The following ST6GALNAC3 variants were observed in gnomAD, a reference collection of about 807,000 sequenced individuals.
ST6GALNAC3 encodes ST6 N-acetylgalactosaminide alpha-2,6-sialyltransferase 3, also known as alpha-N-acetylgalactosaminide alpha-2,6-sialyltransferase 3.
In ST6GALNAC3, 25 loss-of-function variants were observed where a neutral mutation model predicts 32.7. The observed-to-expected ratio is 0.76, with a 90% confidence interval of 0.56 to 1.07. The LOEUF is 1.07. Ranked by LOEUF, ST6GALNAC3 falls within the 50% of genes least tolerant of loss-of-function variation. ST6GALNAC3 has a pLI of 0.00. For missense variants in ST6GALNAC3, 355 were observed against 382.4 expected, an observed-to-expected ratio of 0.93 and a Z score of 0.60; for synonymous variants, 129 against 133.1, an observed-to-expected ratio of 0.97 and a Z score of 0.21.
At chr1:76,242,354 C>A (rs1173658854) in intron 1 of ST6GALNAC3, among the ~76,000 whole-genome samples, 1 of 151,996 alleles carries the variant, frequency 6.6e-6, no homozygotes, top group African/African-American at 2.4e-5. Flanking sequence ...AAGATCTTAG[C>A]GGTCACTGCA....
chr1:76,530,700 CTTAA>C (rs1183851218), intron 3 of ST6GALNAC3, among the ~76,000 whole-genome samples: 10 of 152,114 alleles, frequency 6.6e-5, no homozygotes, highest in Admixed American at 5.9e-4. Context: ...TCTCTTGAAA[CTTAA>C]AGGATCCTTA....
intron 2 of ST6GALNAC3, among the ~76,000 whole-genome samples, chr1:76,345,820 A>G (rs1012895218): frequency 3.3e-5 from 5 of 151,812 alleles, no homozygotes; most frequent in Admixed American, 2.6e-4. Context: ...TGCTCCCTCC[A>G]TTCCACACAC....
At chr1:76,314,427 G>A (rs1285593412) in intron 2 of ST6GALNAC3, among the ~76,000 whole-genome samples, 3 of 152,078 alleles carry the variant, frequency 2.0e-5, no homozygotes, top group Non-Finnish European at 4.4e-5. Context: ...CTTAGACCTG[G>A]AGCTAGAAAA....
At chr1:76,493,616 A>G (rs1190878051) in intron 3 of ST6GALNAC3, among the ~76,000 whole-genome samples, 1 of 152,110 alleles carries the variant, frequency 6.6e-6, no homozygotes, top group Admixed American at 6.6e-5. Flanking sequence ...TCTCTGTTTT[A>G]AATGGGATAA....
intron 1 of ST6GALNAC3, among the ~76,000 whole-genome samples, chr1:76,251,487 A>G (rs530093520): frequency 7.8e-4 from 118 of 152,212 alleles, no homozygotes; most frequent in Non-Finnish European, 1.5e-3. Flanking sequence ...GCCTTGTCTC[A>G]CATAGCACTA....
intron 1 of ST6GALNAC3, among the ~76,000 whole-genome samples, chr1:76,300,399 T>C (rs1660659013): frequency 6.6e-6 from 1 of 151,898 alleles, no homozygotes; most frequent in Admixed American, 6.6e-5. Flanking sequence ...CTCTAGACAA[T>C]CAAGGTCCCT....
At position 76,138,974 on chromosome 1, in the gene ST6GALNAC3, T is replaced by C. The variant is rs369692736; in HGVS notation, c.18+64090T>C. 5.9e-5 allele frequency among the ~76,000 whole-genome samples: 9 copies of C among 152,074 alleles called. No homozygotes were observed. In the East Asian group the frequency reaches 1.6e-3, roughly 26 times the overall value. On this transcript the variant is annotated intron_variant, in intron 1 of 4. Transcript: ENST00000328299. ...CTTTGGGAGGCCGAGGCGGGCGGAT[T>C]ACGAGGTCAGGAGATCGAGACCATC... is the stretch of plus-strand genomic sequence containing the variant.
intron 3 of ST6GALNAC3, among the ~76,000 whole-genome samples, chr1:76,460,075 G>T (rs1450090680): frequency 6.6e-6 from 1 of 152,174 alleles, no homozygotes; most frequent in Non-Finnish European, 1.5e-5. Flanking sequence ...TTTCTACAGT[G>T]ATTGAATCAT....
At chr1:76,547,649 T>A (rs1664377107) in intron 3 of ST6GALNAC3, among the ~76,000 whole-genome samples, 1 of 151,982 alleles carries the variant, frequency 6.6e-6, no homozygotes, top group African/African-American at 2.4e-5. Context: ...GGTCAGGAAT[T>A]TGAGACCAGC....
At chr1:76,478,802 T>A (rs543129216) in intron 3 of ST6GALNAC3, among the ~76,000 whole-genome samples, 18 of 141,706 alleles carry the variant, frequency 1.3e-4, no homozygotes, top group Non-Finnish European at 2.4e-4. Flanking sequence ...TCACTCTGTC[T>A]CCCAGGCTGG....
intron 3 of ST6GALNAC3, among the ~76,000 whole-genome samples, chr1:76,458,589 C>A (rs1571298558): frequency 6.7e-6 from 1 of 149,562 alleles, no homozygotes; most frequent in African/African-American, 2.5e-5. Context: ...TTTGTAGGGA[C>A]ATGGATGAAA....
At chr1:76,475,259 T>G (rs1183430334) in intron 3 of ST6GALNAC3, among the ~76,000 whole-genome samples, 1 of 152,152 alleles carries the variant, frequency 6.6e-6, no homozygotes, top group African/African-American at 2.4e-5. Context: ...CGCTCTGTGG[T>G]CAGCAAGAAC....
chr1:76,278,368 C>T (rs1659303130), intron 1 of ST6GALNAC3, among the ~76,000 whole-genome samples: 1 of 151,900 alleles, frequency 6.6e-6, no homozygotes. Context: ...ACTACAGGGG[C>T]CCGCCACCAT....
intron 1 of ST6GALNAC3, among the ~76,000 whole-genome samples, chr1:76,255,713 G>A (rs539636237): frequency 5.3e-5 from 8 of 151,964 alleles, no homozygotes; most frequent in Admixed American, 3.3e-4. Flanking sequence ...GCAACCCCTC[G>A]TTTAAAAACT....
At chr1:76,628,469 C>A in intron 4 of ST6GALNAC3, 151 bp from the exon 5 acceptor site, 3 of 708,008 alleles carry the variant, frequency 4.2e-6, no homozygotes, top group Non-Finnish European at 6.4e-6. Flanking sequence ...AGCTTTCATA[C>A]ATATAATAGC....
intron 1 of ST6GALNAC3, among the ~76,000 whole-genome samples, chr1:76,250,835 TA>T (rs1301018158): frequency 6.6e-6 from 1 of 152,196 alleles, no homozygotes; most frequent in Non-Finnish European, 1.5e-5. Context: ...GCTAATAATG[TA>T]ATCTATTTTC....
At chr1:76,274,480 C>T (rs1659026603) in intron 1 of ST6GALNAC3, among the ~76,000 whole-genome samples, 1 of 152,158 alleles carries the variant, frequency 6.6e-6, no homozygotes, top group Admixed American at 6.5e-5. Flanking sequence ...TATCTCTGAT[C>T]AGCCTCCTCA....
At chr1:76,540,221 CT>C (rs1329061639) in intron 3 of ST6GALNAC3, among the ~76,000 whole-genome samples, 2 of 152,088 alleles carry the variant, frequency 1.3e-5, no homozygotes. Flanking sequence ...ATGGATGAAG[CT>C]GGAAGCCTTC....
chr1:76,515,101 A>T (rs1662094787), intron 3 of ST6GALNAC3, among the ~76,000 whole-genome samples: 1 of 152,092 alleles, frequency 6.6e-6, no homozygotes. Context: ...ATTGTTCTTT[A>T]AATGTTTGAT....
Sources: allele counts gnomAD v4.1 joint callset (sites outside exome capture counted in the v4.1 genomes callset), GRCh38; gene constraint gnomAD v4.1.1; transcripts MANE v1.5; gene names NCBI Gene and HGNC (gene_info 2026-07-23, HGNC 2026-07-21).